HSD17B12: variants seen among roughly 807,000 people sequenced by gnomAD.
HSD17B12 encodes very-long-chain 3-oxoacyl-CoA reductase.
HSD17B12 carries 32 observed loss-of-function variants against 39.3 expected under a neutral mutation model. The ratio of observed to expected loss-of-function variants is 0.81; its 90% CI spans 0.61 to 1.09. HSD17B12 has a LOEUF of 1.09. Ranked by LOEUF, HSD17B12 falls within the 50% of genes least tolerant of loss-of-function variation. The pLI, the probability that HSD17B12 is intolerant of heterozygous loss-of-function variation, is 0.00. For missense variants in HSD17B12, 342 were observed against 382.9 expected, an observed-to-expected ratio of 0.89 and a Z score of 0.89; for synonymous variants, 150 against 146.7, an observed-to-expected ratio of 1.02 and a Z score of -0.16.
chr11:43,704,114 AC>A (rs1303550184), intron 1 of HSD17B12, among the ~76,000 whole-genome samples: 1 of 152,238 alleles, frequency 6.6e-6, no homozygotes, highest in Non-Finnish European at 1.5e-5. Context: ...GCAAGGCACC[AC>A]TAGCTTAGCT....
At chr11:43,742,139 A>ATATATATATAT (rs61178234) in intron 1 of HSD17B12, among the ~76,000 whole-genome samples, 6 of 123,508 alleles carry the variant, frequency 4.9e-5, no homozygotes, top group African/African-American at 1.8e-4. Flanking sequence ...ATATATATAT[A>ATATATATATAT]TTTTTTTTTT....
intron 1 of HSD17B12, among the ~76,000 whole-genome samples, chr11:43,683,228 T>C (rs1405422489): frequency 6.6e-6 from 1 of 151,924 alleles, no homozygotes; most frequent in Non-Finnish European, 1.5e-5. Context: ...GTAACATTTG[T>C]GTTGAAAAGA....
upstream of HSD17B12, among the ~76,000 whole-genome samples, chr11:43,678,519 C>T (rs1190789110): frequency 6.6e-6 from 1 of 152,170 alleles, no homozygotes; most frequent in African/African-American, 2.4e-5. Context: ...ATGCCTATGT[C>T]CTGAATGGTA....
At chr11:43,702,627 G>C (rs975386911) in intron 1 of HSD17B12, among the ~76,000 whole-genome samples, 1 of 152,006 alleles carries the variant, frequency 6.6e-6, no homozygotes, top group Non-Finnish European at 1.5e-5. Flanking sequence ...CGCATTCATT[G>C]ATTTGTGTAT....
At chr11:43,786,567 A>G (rs1220986698) in intron 3 of HSD17B12, among the ~76,000 whole-genome samples, 1 of 152,198 alleles carries the variant, frequency 6.6e-6, no homozygotes, top group East Asian at 1.9e-4. Context: ...GAGAACTACT[A>G]CATCAAAGTA....
At chr11:43,757,649 A>AAAAAAAAC (rs1950519860) in intron 3 of HSD17B12, among the ~76,000 whole-genome samples, 1 of 141,492 alleles carries the variant, frequency 7.1e-6, no homozygotes, top group Admixed American at 7.0e-5. Context: ...CAAAAAAAAA[A>AAAAAAAAC]AAAAAAAAAA....
chr11:43,679,828 A>C (rs1411205134), upstream of HSD17B12, among the ~76,000 whole-genome samples: 2 of 152,152 alleles, frequency 1.3e-5, no homozygotes, highest in African/African-American at 4.8e-5. Flanking sequence ...TTTAGTGCTC[A>C]GCTGGGAGGG....
At chr11:43,580,996 C>T in the HSD17B12 span, among the ~76,000 whole-genome samples, 2 of 152,026 alleles carry the variant, frequency 1.3e-5, no homozygotes, top group Non-Finnish European at 2.9e-5. Flanking sequence ...AGAGGGGATT[C>T]GGGGGGAATC....
chr11:43,731,985 A>G (rs1470419274), intron 1 of HSD17B12, among the ~76,000 whole-genome samples: 1 of 152,096 alleles, frequency 6.6e-6, no homozygotes, highest in Non-Finnish European at 1.5e-5. Flanking sequence ...GAACCACTCT[A>G]TATGGTTTGG....
the HSD17B12 span, among the ~76,000 whole-genome samples, chr11:43,668,684 T>C: frequency 1.8e-4 from 27 of 151,932 alleles, no homozygotes; most frequent in Non-Finnish European, 3.1e-4. Flanking sequence ...ATGAATAGAA[T>C]TAAAGGTTTT....
Position 43,855,242 on chromosome 11 carries a change from G to A in HSD17B12, c.933G>A (p.Lys311=), listed in dbSNP as rs763846392. 2.3e-5 allele frequency: 36 copies of A among 1,597,138 alleles called. No homozygotes were observed. Among genetic ancestry groups the A allele is most frequent in the Non-Finnish European group, 2.8e-5 (33 of 1,168,988 alleles). Residue 311 remains lysine (K), a synonymous_variant, in exon 11 of 11, where the codon AAG becomes AAA. Transcript: ENST00000278353. ...CTCACTATCTGAAGAAAACCAAGAAGAACTAAGCATTGATAACTGCATTGT... is the reference window on the plus strand; with the variant it reads ...CTCACTATCTGAAGAAAACCAAGAAAAACTAAGCATTGATAACTGCATTGT... The part of the protein sequence containing the change: ...TRAHYLKKTK[K]N
At chr11:43,750,824 CT>C in intron 1 of HSD17B12, 86 bp from the exon 2 acceptor site, 1 of 852,708 alleles carries the variant, frequency 1.2e-6, no homozygotes. Flanking sequence ...CACACTGGTC[CT>C]TTTGTATGTA....
the HSD17B12 span, chr11:43,559,620 AAG>A: frequency 6.4e-6 from 1 of 155,936 alleles, no homozygotes; most frequent in Admixed American, 6.5e-5. Context: ...CCTCTCTGTC[AAG>A]TCCGAAGATG....
At chr11:43,826,821 A>G (rs976181443) in intron 6 of HSD17B12, among the ~76,000 whole-genome samples, 2 of 152,198 alleles carry the variant, frequency 1.3e-5, no homozygotes, top group Non-Finnish European at 2.9e-5. Context: ...GCCAAAGGAA[A>G]TGTGTGCTGT....
intron 3 of HSD17B12, among the ~76,000 whole-genome samples, chr11:43,784,260 T>C (rs1950794500): frequency 6.6e-6 from 1 of 151,532 alleles, no homozygotes; most frequent in South Asian, 2.1e-4. Flanking sequence ...ATACAATGTC[T>C]GGAATTTACA....
intron 4 of HSD17B12, among the ~76,000 whole-genome samples, chr11:43,804,630 G>T (rs1951001476): frequency 6.6e-6 from 1 of 152,046 alleles, no homozygotes; most frequent in Non-Finnish European, 1.5e-5. Flanking sequence ...TGTTATCCTT[G>T]CCTGTGCCAC....
chr11:43,659,438 C>T, the HSD17B12 span, among the ~76,000 whole-genome samples: 36 of 152,288 alleles, frequency 2.4e-4, no homozygotes, highest in East Asian at 2.3e-3. Context: ...GAGATGAAAC[C>T]GGTACCTCAG....
chr11:43,633,954 A>G, the HSD17B12 span, among the ~76,000 whole-genome samples: 1 of 151,048 alleles, frequency 6.6e-6, no homozygotes, highest in South Asian at 2.1e-4. Context: ...CATGCCTGTA[A>G]TCCCAGCTAC....
intron 1 of HSD17B12, among the ~76,000 whole-genome samples, chr11:43,690,392 A>ATT (rs1565049755): frequency 6.1e-4 from 11 of 18,100 alleles, no homozygotes; most frequent in Non-Finnish European, 9.2e-4. Flanking sequence ...ATATATATAT[A>ATT]TATATATATA....
Sources: allele counts gnomAD v4.1 joint callset (sites outside exome capture counted in the v4.1 genomes callset), GRCh38; gene constraint gnomAD v4.1.1; transcripts MANE v1.5; gene names NCBI Gene and HGNC (gene_info 2026-07-23, HGNC 2026-07-21).